PTDSS1: variants seen among roughly 807,000 people sequenced by gnomAD.
PTDSS1 encodes phosphatidylserine synthase 1, also known as PSS-1.
In PTDSS1, 45 loss-of-function variants were observed where a neutral mutation model predicts 70.5. That is an observed-to-expected ratio of 0.64 (90% CI 0.50 to 0.82). The LOEUF (loss-of-function observed/expected upper bound fraction) is 0.82, where lower values mean the gene tolerates loss of function less well. Ranked by LOEUF, PTDSS1 falls within the 40% of genes least tolerant of loss-of-function variation. PTDSS1 has a pLI of 0.00. For synonymous variants in PTDSS1, 188 were observed against 203.8 expected (o/e 0.92, Z 0.66); for missense variants, 417 against 586.1 (o/e 0.71, Z 2.98).
At chr8:96,323,303 A>AT in intron 10 of PTDSS1, among the ~76,000 whole-genome samples, 1 of 152,034 alleles carries the variant, frequency 6.6e-6, no homozygotes, top group East Asian at 1.9e-4. Flanking sequence ...CCAACCCCAC[A>AT]TTTCTCCTTG....
At chr8:96,283,972 A>G (rs1810784044) in intron 2 of PTDSS1, 137 bp from the exon 3 acceptor site, 1 of 622,962 alleles carries the variant, frequency 1.6e-6, no homozygotes, top group Non-Finnish European at 2.7e-6. Flanking sequence ...CAAAGTGTTT[A>G]TGTAGAAAAA....
At chr8:96,293,373 T>C (rs539918194) in intron 4 of PTDSS1, among the ~76,000 whole-genome samples, 15 of 152,246 alleles carry the variant, frequency 9.9e-5, no homozygotes, top group Non-Finnish European at 1.9e-4. Flanking sequence ...GCCGCCAAGA[T>C]CAGCCTAGGA....
intron 5 of PTDSS1, among the ~76,000 whole-genome samples, 186 bp downstream of exon 5, chr8:96,295,442 C>A (rs181398753): frequency 1.9e-3 from 294 of 152,306 alleles, no homozygotes; most frequent in Non-Finnish European, 2.9e-3. Flanking sequence ...ATTAAAAATA[C>A]CTCCTTGTTA....
chr8:96,326,639 G>A (rs776552235), intron 10 of PTDSS1, among the ~76,000 whole-genome samples: 4 of 152,248 alleles, frequency 2.6e-5, no homozygotes, highest in Admixed American at 6.5e-5. Flanking sequence ...AGAGTTGGAT[G>A]AAGAGTAGGA....
In PTDSS1 at chr8:96,262,290, A is replaced by AGGGGGGGGGGGGTGGGGGGGGGGGGG; in HGVS notation, c.179+77_179+78insGGGGGGTGGGGGGGGGGGGGGGGGGG. The AGGGGGGGGGGGGTGGGGGGGGGGGGG allele has an allele frequency of 2.6e-6, 1 of 387,406 alleles. No individual in the cohort carries two copies. Among genetic ancestry groups the AGGGGGGGGGGGGTGGGGGGGGGGGGG allele is most frequent in the Non-Finnish European group, 5.0e-6 (1 of 201,922 alleles). 24.0% of individuals were successfully genotyped at this position (387,406 alleles called of 1,614,324 possible). A position where few individuals can be genotyped will look rare whatever the true frequency, so the allele number is the denominator to read the frequency against. On this transcript the variant is annotated intron_variant, in intron 1 of 12. Transcript: ENST00000517309. The surrounding 1 kb of genome is among the most constrained non-coding windows in gnomAD (Gnocchi z 4.4). Reference sequence around the variant, plus strand: ...AGAGGCGGGAGGGAGGGTGGCGGGGAGGGGGGCCCGGCATGGCTCTGGGTG... The same window carrying AGGGGGGGGGGGGTGGGGGGGGGGGGG: ...AGAGGCGGGAGGGAGGGTGGCGGGGAGGGGGGGGGGGGTGGGGGGGGGGGGGGGGGGGCCCGGCATGGCTCTGGGTG...
At chr8:96,324,554 A>T (rs1268921103) in intron 10 of PTDSS1, among the ~76,000 whole-genome samples, 1 of 152,170 alleles carries the variant, frequency 6.6e-6, no homozygotes, top group South Asian at 2.1e-4. Flanking sequence ...AGGTCATCCC[A>T]TGGTGGAAGG....
At chr8:96,276,636 G>C (rs1284000498) in intron 2 of PTDSS1, among the ~76,000 whole-genome samples, 2 of 152,174 alleles carry the variant, frequency 1.3e-5, no homozygotes, top group Non-Finnish European at 2.9e-5. Context: ...CCGCGGTGCT[G>C]CTCTGGTCAT....
At chr8:96,273,421 C>T in intron 2 of PTDSS1, 31 bp downstream of exon 2, 1 of 1,512,262 alleles carries the variant, frequency 6.6e-7, no homozygotes, top group African/African-American at 1.4e-5. Context: ...CCACATTTCT[C>T]CTATATTGTG....
In PTDSS1 at chr8:96,262,347, A is replaced by C. The variant is rs541261788; in HGVS notation, c.179+128A>C. 48 of 1,224,362 alleles carry C rather than the reference A, an allele frequency of 3.9e-5. No individual in the cohort carries two copies. The African/African-American group carries it at 6.5e-4, about 17-fold the overall frequency. 75.8% of individuals were successfully genotyped at this position (1,224,362 alleles called of 1,614,324 possible). ...TGGGCTGGCTGCTCCACGCACACGC[A>C]CTGGCAGCCCGCCGCCCACGCGGCC... On this transcript the variant is annotated intron_variant, in intron 1 of 12. Coordinates refer to ENST00000517309, the MANE Select transcript of PTDSS1 (RefSeq NM_014754.3). This position sits in a 1 kb window ranked among gnomAD's most constrained non-coding sequence, Gnocchi z 4.4.
At chr8:96,279,664 C>T (rs977278086) in intron 2 of PTDSS1, among the ~76,000 whole-genome samples, 1 of 151,792 alleles carries the variant, frequency 6.6e-6, no homozygotes, top group Non-Finnish European at 1.5e-5. Context: ...ACTGAAAATA[C>T]AAAAATTAGC....
At chr8:96,318,473 G>C (rs1382399327) in intron 9 of PTDSS1, among the ~76,000 whole-genome samples, 1 of 152,120 alleles carries the variant, frequency 6.6e-6, no homozygotes, top group Admixed American at 6.5e-5. Flanking sequence ...CACGAAGTCC[G>C]AGCCAAAGAT....
chr8:96,287,538 G>A (rs775175884), intron 4 of PTDSS1: 17 of 175,206 alleles, frequency 9.7e-5, no homozygotes, highest in Non-Finnish European at 1.9e-4. Flanking sequence ...TTATCTGTGG[G>A]GCCTACTGCG....
At chr8:96,331,985 C>A (rs544985613) in intron 12 of PTDSS1, among the ~76,000 whole-genome samples, 15 of 135,952 alleles carry the variant, frequency 1.1e-4, no homozygotes, top group African/African-American at 4.2e-4. Context: ...AGGATCACTC[C>A]CATGTGGAAG....
intron 7 of PTDSS1, among the ~76,000 whole-genome samples, chr8:96,304,833 G>A (rs529993431): frequency 1.3e-5 from 2 of 152,320 alleles, no homozygotes; most frequent in Non-Finnish European, 2.9e-5. Context: ...GTAGCCAAGG[G>A]AAACCAGCTT....
chr8:96,297,102 A>C (rs1050495482), intron 5 of PTDSS1, among the ~76,000 whole-genome samples: 4 of 152,008 alleles, frequency 2.6e-5, no homozygotes, highest in Non-Finnish European at 5.9e-5. Context: ...TCTCTTCACT[A>C]TTTATTGCCA....
chr8:96,311,013 C>A (rs1313253914), intron 9 of PTDSS1, among the ~76,000 whole-genome samples: 2 of 152,164 alleles, frequency 1.3e-5, no homozygotes, highest in African/African-American at 4.8e-5. Flanking sequence ...GATCCACCCA[C>A]CTTCTGCCTC....
intron 1 of PTDSS1, among the ~76,000 whole-genome samples, chr8:96,263,160 G>A (rs1586177746): frequency 6.6e-6 from 1 of 152,028 alleles, no homozygotes; most frequent in African/African-American, 2.4e-5. Flanking sequence ...AATATATACC[G>A]GTTCATAGGA....
chr8:96,300,801 A>C (rs946842256), intron 6 of PTDSS1, among the ~76,000 whole-genome samples: 1 of 152,186 alleles, frequency 6.6e-6, no homozygotes, highest in Non-Finnish European at 1.5e-5. Context: ...TAGTTGTTTC[A>C]AAGTTTTTGC....
At chr8:96,270,449 C>T (rs191201700) in intron 1 of PTDSS1, among the ~76,000 whole-genome samples, 1 of 152,310 alleles carries the variant, frequency 6.6e-6, no homozygotes, top group East Asian at 1.9e-4. Flanking sequence ...TCAGGTTGCC[C>T]TGTGGCCAGA....
Sources: allele counts gnomAD v4.1 joint callset (sites outside exome capture counted in the v4.1 genomes callset), GRCh38; gene constraint gnomAD v4.1.1; non-coding constraint Gnocchi (gnomAD v3.1); transcripts MANE v1.5; gene names NCBI Gene and HGNC (gene_info 2026-07-23, HGNC 2026-07-21).